CLSTN1: variants seen among roughly 807,000 people sequenced by gnomAD.
CLSTN1 encodes calsyntenin 1.
A neutral mutation model predicts 108.3 loss-of-function variants in CLSTN1; 28 were observed. That is an observed-to-expected ratio of 0.26 (90% CI 0.19 to 0.35). The LOEUF is 0.35. Ranked by LOEUF, CLSTN1 falls within the 10% of genes least tolerant of loss-of-function variation. The pLI is 1.00. For synonymous variants in CLSTN1, 524 were observed against 534.9 expected, an observed-to-expected ratio of 0.98 and a Z score of 0.28; for missense variants, 1,157 against 1,302.6, an observed-to-expected ratio of 0.89 and a Z score of 1.72.
At position 9,820,853 on chromosome 1, in the gene CLSTN1, G is replaced by A. The variant is rs1490735480; in HGVS notation, c.91+2790C>T. Among the ~76,000 whole-genome samples, 3 of 152,188 alleles carry A rather than the reference G, an allele frequency of 2.0e-5. No individual in the cohort carries two copies. In the East Asian group the frequency reaches 5.8e-4, roughly 29 times the overall value. On this transcript the variant is annotated intron_variant, in intron 1 of 18. Coordinates refer to ENST00000377298, the MANE Select transcript of CLSTN1 (RefSeq NM_001009566.3). ...GTGCTATGCAAAAAGAAAAAGTGTTGCAGGGAAACAGGATTTAGGGGTTCA... is the reference window on the plus strand; with the variant it reads ...GTGCTATGCAAAAAGAAAAAGTGTTACAGGGAAACAGGATTTAGGGGTTCA...
intron 1 of CLSTN1, among the ~76,000 whole-genome samples, chr1:9,774,332 G>A (rs1393261695): frequency 6.6e-6 from 1 of 152,084 alleles, no homozygotes; most frequent in Non-Finnish European, 1.5e-5. Flanking sequence ...TTGGGAGGCT[G>A]ACGAGGGCGG....
rs551867665 is a variant in CLSTN1 at position 9,781,299 on chromosome 1, A to G, written c.92-7905T>C. The G allele has an allele frequency of 7.5e-6, 5 of 666,890 alleles. No individual in the cohort carries two copies. In the South Asian group the frequency reaches 9.1e-5, roughly 12 times the overall value. The allele number at this position is 666,890 out of a possible 1,614,324, so 41.3% of individuals were successfully genotyped here. A position where few individuals can be genotyped will look rare whatever the true frequency, so the allele number is the denominator to read the frequency against. On this transcript the variant is annotated intron_variant, in intron 1 of 18. Coordinates refer to ENST00000377298, the MANE Select transcript of CLSTN1 (RefSeq NM_001009566.3). ...CTCTGCAAGAGGATTTAAAGATTGC[A>G]CTGTAGTCGAGAATGTACAATGATA... is the stretch of plus-strand genomic sequence containing the variant.
intron 1 of CLSTN1, among the ~76,000 whole-genome samples, chr1:9,799,858 T>C (rs898337729): frequency 2.1e-5 from 3 of 139,712 alleles, no homozygotes; most frequent in African/African-American, 8.1e-5. Context: ...GGAGAATCAT[T>C]TGAACCCGGG....
At chr1:9,766,400 T>C (rs1652334060) in intron 2 of CLSTN1, among the ~76,000 whole-genome samples, 1 of 152,234 alleles carries the variant, frequency 6.6e-6, no homozygotes, top group Non-Finnish European at 1.5e-5. Flanking sequence ...GGCTCACGCC[T>C]GTAATCCCAG....
At chr1:9,784,536 G>A (rs1653394903) in intron 1 of CLSTN1, among the ~76,000 whole-genome samples, 1 of 152,186 alleles carries the variant, frequency 6.6e-6, no homozygotes, top group South Asian at 2.1e-4. Flanking sequence ...TTTCAAACAA[G>A]AGTGTGATGT....
At chr1:9,780,548 G>A (rs1238019408) in intron 1 of CLSTN1, among the ~76,000 whole-genome samples, 2 of 152,168 alleles carry the variant, frequency 1.3e-5, no homozygotes, top group African/African-American at 2.4e-5. Flanking sequence ...TTTCTAAATC[G>A]CTCTTAAGCT....
Position 9,759,568 on chromosome 1 carries a change from C to A in CLSTN1, c.215-3058G>T, listed in dbSNP as rs563125021. ...AAGTGCTGAGATTACTGGCGTGAGC[C>A]ACCGCGCCTGGCCTCAAATACAGTT... On this transcript the variant is annotated intron_variant, in intron 2 of 18. Transcript: ENST00000377298. 2.0e-5 allele frequency among the ~76,000 whole-genome samples: 3 copies of A among 152,360 alleles called. No homozygotes were observed. In the East Asian group the frequency reaches 5.8e-4, roughly 29 times the overall value.
chr1:9,787,862 C>G (rs1442294034), intron 1 of CLSTN1, among the ~76,000 whole-genome samples: 1 of 151,362 alleles, frequency 6.6e-6, no homozygotes, highest in East Asian at 2.0e-4. Flanking sequence ...TTTCATCTTG[C>G]AAAACTGAAA....
At chr1:9,788,098 T>C (rs373498468) in intron 1 of CLSTN1, among the ~76,000 whole-genome samples, 1 of 151,224 alleles carries the variant, frequency 6.6e-6, no homozygotes, top group African/African-American at 2.4e-5. Context: ...CTACAAAAAA[T>C]ACAAAAATTA....
At chr1:9,765,006 T>C (rs1652257360) in intron 2 of CLSTN1, among the ~76,000 whole-genome samples, 2 of 152,204 alleles carry the variant, frequency 1.3e-5, no homozygotes, top group Admixed American at 6.5e-5. Context: ...AGCTACTTAC[T>C]TAAAATTGTT....
rs557741247 is a variant in CLSTN1 at position 9,739,569 on chromosome 1, C to T, written c.1519+1525G>A. On this transcript the variant is annotated intron_variant, in intron 10 of 18. Transcript: ENST00000377298. Reference sequence around the variant, plus strand: ...CTTAAAACCCCAGGTCTGAGCCAGGCGCAGTGGCTCATGCCTGTAATCCCA... The same window carrying T: ...CTTAAAACCCCAGGTCTGAGCCAGGTGCAGTGGCTCATGCCTGTAATCCCA... Among the ~76,000 whole-genome samples, 17 of 152,236 alleles carry T rather than the reference C, an allele frequency of 1.1e-4. No individual in the cohort carries two copies. The South Asian group carries it at 2.3e-3, about 20-fold the overall frequency.
intron 2 of CLSTN1, among the ~76,000 whole-genome samples, chr1:9,773,029 TAAGATA>T (rs1267577350): frequency 2.6e-5 from 4 of 151,954 alleles, no homozygotes; most frequent in Non-Finnish European, 5.9e-5. Flanking sequence ...CTGGCTACAT[TAAGATA>T]AAGAAAAAAA....
In CLSTN1 at chr1:9,751,546, G is replaced by A; in HGVS notation, c.576C>T (p.Cys192=). 2 of 1,614,184 alleles carry A rather than the reference G, an allele frequency of 1.2e-6. No homozygotes were observed. The highest frequency in any genetic ancestry group is 1.7e-6 in the Non-Finnish European group (2 of 1,180,044). ...ILRVEAVDAD[C]SPQFSQICSY... ...TGCAAATCTGGCTGAACTGAGGGGA[G>A]CAGTCGGCATCCACGGCCTCCACCC... The change falls in exon 5 of 19, where the codon TGC becomes TGT. Residue 192 remains cysteine, a synonymous_variant. Transcript: ENST00000377298.
intron 1 of CLSTN1, among the ~76,000 whole-genome samples, chr1:9,822,482 T>C (rs377190354): frequency 3.9e-5 from 6 of 152,272 alleles, no homozygotes; most frequent in Middle Eastern, 3.4e-3. Flanking sequence ...GCTTGCTAAA[T>C]TCAAATATGA....
At position 9,749,468 on chromosome 1, in the gene CLSTN1, C is replaced by A; in HGVS notation, c.978G>T (p.Arg326=). ...RDTYSEKSLH[R]LCGAAAGTAE... ...AACGCCTGGTCTCCTTACCACAGAG[C>A]CGGTGGAGGGACTTCTCTGAGTAGG... The change falls in exon 7 of 19, where the codon CGG becomes CGT. Residue 326 remains arginine (R), a synonymous_variant. Transcript: ENST00000377298. 6.2e-7 allele frequency: 1 copy of A among 1,609,664 alleles called. No individual in the cohort carries two copies. The highest frequency in any genetic ancestry group is 2.2e-5 in the East Asian group (1 of 44,866).
intron 1 of CLSTN1, among the ~76,000 whole-genome samples, chr1:9,794,150 C>G (rs1244872714): frequency 6.6e-6 from 1 of 151,476 alleles, no homozygotes; most frequent in African/African-American, 2.4e-5. Context: ...AACGCAGGCA[C>G]TTTGCAGGCT....
chr1:9,756,745 C>T (rs1651825398), intron 2 of CLSTN1, among the ~76,000 whole-genome samples: 1 of 152,090 alleles, frequency 6.6e-6, no homozygotes, highest in Non-Finnish European at 1.5e-5. Context: ...ATGAAATACT[C>T]CTACATGAAG....
rs765985396 is a variant in CLSTN1 at position 9,730,670 on chromosome 1, C to T, written c.2784G>A (p.Glu928=). The T allele has an allele frequency of 5.0e-6, 8 of 1,604,996 alleles. No homozygotes were observed. In the African/African-American group the frequency reaches 5.4e-5, roughly 11 times the overall value. ...CGCTTTCCTCTTCCTCTTCCTCTTC[C>T]TCCTCCTCCTCACTGCTGTGCTGGT... ...YEDQHSSEEE[E]EEEEEEESED... The change falls in exon 19 of 19, where the codon GAG becomes GAA. Residue 928 remains glutamate (E), a synonymous_variant. Transcript: ENST00000377298. The surrounding 1 kb of genome is among the most constrained non-coding windows in gnomAD (Gnocchi z 5.6).
intron 2 of CLSTN1, among the ~76,000 whole-genome samples, chr1:9,758,062 C>T (rs934716687): frequency 6.6e-5 from 10 of 152,022 alleles, no homozygotes; most frequent in Non-Finnish European, 5.9e-5. Flanking sequence ...AACAAGATCT[C>T]GGCTCACTGC....
Sources: allele counts gnomAD v4.1 joint callset (sites outside exome capture counted in the v4.1 genomes callset), GRCh38; gene constraint gnomAD v4.1.1; non-coding constraint Gnocchi (gnomAD v3.1); transcripts MANE v1.5; gene names NCBI Gene and HGNC (gene_info 2026-07-23, HGNC 2026-07-21).